Variants in SCN1B observed in about 807,000 individuals in gnomAD.
The protein encoded by SCN1B is sodium channel regulatory subunit beta-1.
Under a neutral mutation model 25.7 loss-of-function variants are expected in SCN1B, and 11 were observed. The observed-to-expected ratio is 0.43, with a 90% confidence interval of 0.27 to 0.71. The LOEUF (loss-of-function observed/expected upper bound fraction) is 0.71. Among genes scored for constraint, SCN1B ranks in the 30% least tolerant of loss-of-function variants. The pLI, the probability that SCN1B is intolerant of heterozygous loss-of-function variation, is 0.21. For synonymous variants in SCN1B, 119 were observed against 117.5 expected (o/e 1.01, Z -0.08); for missense variants, 224 against 291.5 (o/e 0.77, Z 1.69).
chr19:35,039,515 T>G, intron 4 of SCN1B, 120 bp from the exon 5 acceptor site: 1 of 1,094,102 alleles, frequency 9.1e-7, no homozygotes, highest in Non-Finnish European at 1.4e-6. Flanking sequence ...CATAGACTCC[T>G]TCTCTCTCTA....
intron 3 of SCN1B, chr19:35,034,511 A>G: frequency 1.3e-5 from 3 of 226,416 alleles, no homozygotes; most frequent in South Asian, 6.7e-5. Flanking sequence ...TCTCTGATCC[A>G]TCTTCTGCTC....
intron 2 of SCN1B, among the ~76,000 whole-genome samples, chr19:35,033,297 T>A (rs2064225989): frequency 1.3e-5 from 2 of 152,032 alleles, no homozygotes; most frequent in Admixed American, 6.6e-5. Flanking sequence ...GCATCTTGGC[T>A]AGAGGCAAAA....
Position 35,030,765 on chromosome 19 carries a change from G to A in SCN1B, c.-56G>A. On this transcript the variant is annotated 5_prime_UTR_variant, in exon 1 of 6. Transcript: ENST00000262631. The stretch of plus-strand genomic sequence containing the variant: ...CCGCCGCCAGGTCCCGCCGCCTCTC[G>A]CCCCGCTATTAATACCGGCGGCCCG... 2 of 631,952 alleles carry A rather than the reference G, an allele frequency of 3.2e-6. No individual in the cohort carries two copies. Among genetic ancestry groups the A allele is most frequent in the Non-Finnish European group, 4.7e-6 (2 of 422,786 alleles). 39.1% of individuals were successfully genotyped at this position (631,952 alleles called of 1,614,324 possible). A position where few individuals can be genotyped will look rare whatever the true frequency, so the allele number is the denominator to read the frequency against.
intron 3 of SCN1B, chr19:35,034,206 G>A (rs1479768882): frequency 3.5e-5 from 53 of 1,522,626 alleles, no homozygotes; most frequent in South Asian, 1.4e-4. Flanking sequence ...CTTACTGTTC[G>A]AGTAGCTCAG....
At chr19:35,038,985 T>G in intron 3 of SCN1B, 132 bp from the exon 4 acceptor site, 1 of 1,075,972 alleles carries the variant, frequency 9.3e-7, no homozygotes, top group Non-Finnish European at 1.4e-6. Flanking sequence ...AGGCTGGGTA[T>G]TAATAATCAC....
intron 3 of SCN1B, chr19:35,038,676 T>G (rs1030952064): frequency 7.6e-6 from 2 of 264,204 alleles, no homozygotes; most frequent in African/African-American, 2.2e-5. Flanking sequence ...GAACCTTCAC[T>G]GAGTGCCATT....
At position 35,032,739 on chromosome 19, in the gene SCN1B, A is replaced by G. The variant is rs535531424; in HGVS notation, c.207+45A>G. ...GGGCATGGGAGGGCAGGGGTCCACG[A>G]GTGGGAGGCGGTGGGGCTGGATCTC... is the stretch of plus-strand genomic sequence containing the variant. On this transcript the variant is annotated intron_variant, in intron 2 of 5. Transcript: ENST00000262631. The surrounding 1 kb of genome is among the most constrained non-coding windows in gnomAD (Gnocchi z 4.3). The G allele has an allele frequency of 6.2e-7, 1 of 1,603,112 alleles. No homozygotes were observed. Among genetic ancestry groups the G allele is most frequent in the South Asian group, 1.1e-5 (1 of 90,886 alleles).
chr19:35,030,844 G>A lies in SCN1B; in HGVS notation c.24G>A (p.Val8=). 9.9e-7 allele frequency: 1 copy of A among 1,007,634 alleles called. No individual in the cohort carries two copies. The highest frequency in any genetic ancestry group is 3.0e-5 in the South Asian group (1 of 33,700). 62.4% of individuals were successfully genotyped at this position (1,007,634 alleles called of 1,614,324 possible). The change falls in exon 1 of 6, where the codon GTG becomes GTA. Residue 8 remains valine (V), a synonymous_variant. Transcript: ENST00000262631. ...CCATGGGGAGGCTGCTGGCCTTAGT[G>A]GTCGGCGCGGCACTGGGTGAGTGCG... is the stretch of plus-strand genomic sequence containing the variant. MGRLLAL[V]VGAALVSSAC...
chr19:35,035,252 C>T (rs1042985751), intron 3 of SCN1B: 8 of 148,916 alleles, frequency 5.4e-5, no homozygotes, highest in Non-Finnish European at 7.4e-5. Flanking sequence ...CTCTGTACGC[C>T]GTGACCCAAT....
chr19:35,036,512 T>G (rs1401695858), intron 3 of SCN1B: 1 of 152,098 alleles, frequency 6.6e-6, no homozygotes, highest in Non-Finnish European at 1.5e-5. Flanking sequence ...CAATGTCGGC[T>G]CACTGCACCT....
In SCN1B at chr19:35,039,477, A is replaced by G. The variant is rs1212310300; in HGVS notation, c.591-158A>G. On this transcript the variant is annotated intron_variant, in intron 4 of 5. Coordinates refer to ENST00000262631, the MANE Select transcript of SCN1B (RefSeq NM_001037.5). ...CTCAGGAGCCCAGGCTCCCAGCCAGATTCCTCAAAGACCCTGAGGAGTCCA... is the reference window on the plus strand; with the variant it reads ...CTCAGGAGCCCAGGCTCCCAGCCAGGTTCCTCAAAGACCCTGAGGAGTCCA... The G allele has an allele frequency of 1.6e-5, 16 of 983,516 alleles. No homozygotes were observed. In the Admixed American group the frequency reaches 3.3e-4, roughly 20 times the overall value. 60.9% of individuals were successfully genotyped at this position (983,516 alleles called of 1,614,324 possible).
intron 4 of SCN1B, 140 bp from the exon 5 acceptor site, chr19:35,039,495 G>A: frequency 2.0e-6 from 2 of 1,010,834 alleles, no homozygotes; most frequent in South Asian, 1.3e-5. Context: ...AAGACCCTGA[G>A]GAGTCCACCC....
At position 35,032,574 on chromosome 19, in the gene SCN1B, G is replaced by A; in HGVS notation, c.87G>A (p.Glu29=). The A allele has an allele frequency of 6.2e-7, 1 of 1,614,094 alleles. No homozygotes were observed. Among genetic ancestry groups the A allele is most frequent in the Non-Finnish European group, 8.5e-7 (1 of 1,180,044 alleles). ...GCGTGGAGGTGGACTCGGAGACCGA[G>A]GCCGTGTATGGGATGACCTTCAAAA... is the stretch of plus-strand genomic sequence containing the variant. The part of the protein sequence containing the change: ...GGCVEVDSET[E]AVYGMTFKIL... Residue 29 remains glutamate, a synonymous_variant, in exon 2 of 6, where the codon GAG becomes GAA. Coordinates refer to ENST00000262631, the MANE Select transcript of SCN1B (RefSeq NM_001037.5). The surrounding 1 kb of genome is among the most constrained non-coding windows in gnomAD (Gnocchi z 4.3).
In SCN1B at chr19:35,039,108, C is replaced by G. The variant is rs786205829; in HGVS notation, c.449-9C>G. ...GGGCTACCCCCTTAACCCTGCCTGG[C>G]CCCTGCAGCCAACAGAGACATGGCA... On this transcript the variant is annotated splice_polypyrimidine_tract_variant and intron_variant, in intron 3 of 5. Transcript: ENST00000262631. 6.2e-7 allele frequency: 1 copy of G among 1,613,990 alleles called. No individual in the cohort carries two copies. The highest frequency in any genetic ancestry group is 1.3e-5 in the African/African-American group (1 of 74,924).
Position 35,032,166 on chromosome 19 carries a change from T to C in SCN1B, c.41-362T>C, listed in dbSNP as rs1254964848. ...ATTCTCATTCTACCACCTAGATGCT[T>C]GGGTTCCTCCAGCAAGGGACTTTCT... On this transcript the variant is annotated intron_variant, in intron 1 of 5. Transcript: ENST00000262631. This position sits in a 1 kb window ranked among gnomAD's most constrained non-coding sequence, Gnocchi z 4.3. 3.9e-5 allele frequency among the ~76,000 whole-genome samples: 6 copies of C among 152,148 alleles called. No homozygotes were observed.
intron 1 of SCN1B, among the ~76,000 whole-genome samples, chr19:35,031,973 T>C (rs1213206755): frequency 6.6e-6 from 1 of 152,104 alleles, no homozygotes; most frequent in Non-Finnish European, 1.5e-5. Context: ...CAGGGGCTTG[T>C]GGGCTGTGGA....
intron 3 of SCN1B, chr19:35,034,113 A>T: frequency 6.4e-7 from 1 of 1,551,380 alleles, no homozygotes; most frequent in African/African-American, 1.4e-5. Flanking sequence ...TTCTTCCATC[A>T]TGGGGTTCAT....
At position 35,030,527 on chromosome 19, in the gene SCN1B, G is replaced by T. The variant is rs1256247352; in HGVS notation, c.-294G>T. On this transcript the variant is annotated 5_prime_UTR_variant, in exon 1 of 6. Coordinates refer to ENST00000262631, the MANE Select transcript of SCN1B (RefSeq NM_001037.5). The stretch of plus-strand genomic sequence containing the variant: ...GCGCCCGAGCCGGAGCGGGACCGGG[G>T]TCGGTGCACCTAGCGGATGTGCCCG... The T allele has an allele frequency of 6.4e-6, 1 of 155,780 alleles. No homozygotes were observed. The highest frequency in any genetic ancestry group is 1.4e-5 in the Non-Finnish European group (1 of 71,738). The allele number at this position is 155,780 out of a possible 1,614,324, so 9.6% of individuals were successfully genotyped here. A position where few individuals can be genotyped will look rare whatever the true frequency, so the allele number is the denominator to read the frequency against.
chr19:35,033,803 G>A, intron 3 of SCN1B, 64 bp downstream of exon 3: 2 of 1,613,416 alleles, frequency 1.2e-6, no homozygotes. Context: ...AGGGACAGAT[G>A]GCAGGCAGTG....
Sources: allele counts gnomAD v4.1 joint callset (sites outside exome capture counted in the v4.1 genomes callset), GRCh38; gene constraint gnomAD v4.1.1; non-coding constraint Gnocchi (gnomAD v3.1); transcripts MANE v1.5; gene names NCBI Gene and HGNC (gene_info 2026-07-23, HGNC 2026-07-21).